Variants in ABLIM1 observed in about 807,000 individuals in gnomAD.
ABLIM1 encodes actin binding LIM protein 1, also known as actin-binding LIM protein 1.
A neutral mutation model predicts 107.0 loss-of-function variants in ABLIM1; 40 were observed. The ratio of observed to expected loss-of-function variants is 0.37; its 90% CI spans 0.29 to 0.49. The LOEUF is 0.49. ABLIM1 is among the 20% of genes least tolerant of loss of function. The pLI, the probability that ABLIM1 is intolerant of heterozygous loss-of-function variation, is 0.97. For missense variants in ABLIM1, 857 were observed against 1,008.5 expected (o/e 0.85, Z 2.04); for synonymous variants, 357 against 357.3 (o/e 1.00, Z 0.01).
At chr10:114,463,005 C>T in intron 12 of ABLIM1, 1 of 1,307,738 alleles carries the variant, frequency 7.6e-7, no homozygotes, top group Non-Finnish European at 1.0e-6. Flanking sequence ...AATAAATCTC[C>T]ACTATGCAGG....
chr10:114,515,773 G>C (rs565538294), intron 6 of ABLIM1, among the ~76,000 whole-genome samples: 1 of 152,290 alleles, frequency 6.6e-6, no homozygotes, highest in Non-Finnish European at 1.5e-5. Flanking sequence ...AGAAGAGGGA[G>C]GGAGACAGAC....
rs1342261434 is a variant in ABLIM1 at position 114,615,061 on chromosome 10, AAAG to A, written c.245-13103_245-13101del. ...GCAAAACTCTGTCTCAAAAAAAAAA[AAAG>A]AAAGAAAGAAAGAAAGAAAAACACA... is the stretch of plus-strand genomic sequence containing the variant. On this transcript the variant is annotated intron_variant, in intron 1 of 22. Transcript: ENST00000533213. Among the ~76,000 whole-genome samples, 386 of 151,314 alleles carry A rather than the reference AAAG, an allele frequency of 2.6e-3. 2 individuals carry two copies. Among genetic ancestry groups the A allele is most frequent in the African/African-American group, 8.6e-3 (354 of 41,252 alleles).
At chr10:114,521,874 A>G (rs763983158) in intron 6 of ABLIM1, among the ~76,000 whole-genome samples, 1 of 152,194 alleles carries the variant, frequency 6.6e-6, no homozygotes, top group Non-Finnish European at 1.5e-5. Flanking sequence ...ATAGTCGGGG[A>G]ACAGTGCCAT....
At chr10:114,453,622 A>AG in intron 12 of ABLIM1, 139 bp from the exon 13 acceptor site, 3 of 732,260 alleles carry the variant, frequency 4.1e-6, no homozygotes, top group Non-Finnish European at 6.4e-6. Flanking sequence ...AACAAACTCA[A>AG]TTTATCAACT....
At chr10:114,776,401 T>A in the ABLIM1 span, among the ~76,000 whole-genome samples, 1 of 151,620 alleles carries the variant, frequency 6.6e-6, no homozygotes, top group Non-Finnish European at 1.5e-5. Context: ...GATCACAAGG[T>A]CAGGGGTTTG....
At chr10:114,774,565 G>T in the ABLIM1 span, among the ~76,000 whole-genome samples, 2 of 152,186 alleles carry the variant, frequency 1.3e-5, no homozygotes, top group Non-Finnish European at 2.9e-5. Context: ...GTTCCACGAG[G>T]ATAGGTAAAA....
intron 8 of ABLIM1, among the ~76,000 whole-genome samples, chr10:114,485,810 A>G (rs1270954503): frequency 6.6e-6 from 1 of 152,236 alleles, no homozygotes; most frequent in Admixed American, 6.5e-5. Context: ...TGGAAACTGC[A>G]CTAATGTGAC....
intron 4 of ABLIM1, among the ~76,000 whole-genome samples, chr10:114,555,612 A>G (rs1419112407): frequency 6.6e-6 from 1 of 152,224 alleles, no homozygotes; most frequent in African/African-American, 2.4e-5. Flanking sequence ...ACTGAATGTA[A>G]ATCATTACAT....
rs1458133747 is a variant in ABLIM1 at position 114,435,628 on chromosome 10, G to A, written c.*632C>T. The A allele has an allele frequency of 6.6e-6, 1 of 152,150 alleles. No individual in the cohort carries two copies. The highest frequency in any genetic ancestry group is 2.4e-5 in the African/African-American group (1 of 41,408). 9.4% of individuals were successfully genotyped at this position (152,150 alleles called of 1,614,324 possible). On this transcript the variant is annotated 3_prime_UTR_variant, in exon 23 of 23. Coordinates refer to ENST00000533213, the MANE Select transcript of ABLIM1 (RefSeq NM_002313.7). ...AATAGCTAAGTCATTTGCCAGCCAG[G>A]TCCCGGTGAACAGTAGAGAACAAGG...
intron 6 of ABLIM1, among the ~76,000 whole-genome samples, chr10:114,530,351 T>C (rs1015945406): frequency 2.0e-5 from 3 of 152,036 alleles, no homozygotes; most frequent in African/African-American, 7.3e-5. Flanking sequence ...TACTAAATAC[T>C]GATGAAGGCC....
intron 1 of ABLIM1, among the ~76,000 whole-genome samples, chr10:114,668,570 T>C (rs914097508): frequency 6.6e-6 from 1 of 152,136 alleles, no homozygotes; most frequent in African/African-American, 2.4e-5. Flanking sequence ...ACTCTAGAGC[T>C]CACGGAATCC....
chr10:114,467,655 G>T (rs897000338), intron 11 of ABLIM1, among the ~76,000 whole-genome samples: 3 of 152,164 alleles, frequency 2.0e-5, no homozygotes, highest in Admixed American at 6.5e-5. Flanking sequence ...CATAAACCAT[G>T]AAAATATTAT....
intron 22 of ABLIM1, among the ~76,000 whole-genome samples, chr10:114,437,146 T>TCCCATGAACTCAA (rs1314449383): frequency 2.0e-5 from 3 of 151,750 alleles, no homozygotes; most frequent in Non-Finnish European, 4.4e-5. Context: ...TCCCACAGCC[T>TCCCATGAACTCAA]CCCATGAACT....
At chr10:114,549,612 C>CT (rs571085347) in intron 4 of ABLIM1, among the ~76,000 whole-genome samples, 125 of 151,946 alleles carry the variant, frequency 8.2e-4, no homozygotes, top group African/African-American at 2.8e-3. Context: ...TATTTTATGT[C>CT]TAAGATTTTA....
At chr10:114,509,910 T>C (rs984015562) in intron 6 of ABLIM1, among the ~76,000 whole-genome samples, 1 of 152,102 alleles carries the variant, frequency 6.6e-6, no homozygotes, top group Non-Finnish European at 1.5e-5. Context: ...TGGCGGAAGA[T>C]GAAGAAAGAG....
intron 1 of ABLIM1, among the ~76,000 whole-genome samples, chr10:114,646,051 T>A (rs1441854231): frequency 1.3e-5 from 2 of 151,936 alleles, no homozygotes; most frequent in Non-Finnish European, 2.9e-5. Flanking sequence ...AGAAGGTAGG[T>A]CTCTTCCTTT....
At chr10:114,734,275 CA>C (rs1322665785) in intron 1 of ABLIM1, among the ~76,000 whole-genome samples, 1 of 152,118 alleles carries the variant, frequency 6.6e-6, no homozygotes, top group Non-Finnish European at 1.5e-5. Flanking sequence ...GGTTCTCCAC[CA>C]AATCTCCCTA....
intron 6 of ABLIM1, among the ~76,000 whole-genome samples, chr10:114,528,130 C>T (rs2065053754): frequency 1.3e-5 from 2 of 152,122 alleles, no homozygotes; most frequent in African/African-American, 4.8e-5. Context: ...GCCACTGCGC[C>T]CGGCAATTTT....
intron 1 of ABLIM1, among the ~76,000 whole-genome samples, chr10:114,731,341 C>A (rs943914394): frequency 6.6e-6 from 1 of 151,980 alleles, no homozygotes; most frequent in African/African-American, 2.4e-5. Flanking sequence ...AGGGTTTCAC[C>A]ATGTTGCCCA....
Sources: gnomAD v4.1 joint callset for allele counts (sites outside exome capture counted in the v4.1 genomes callset) on GRCh38, gnomAD v4.1.1 for gene constraint, MANE v1.5 for transcripts, NCBI Gene and HGNC (gene_info 2026-07-23, HGNC 2026-07-21) for gene names.